Variants in ARHGEF3 observed in about 807,000 individuals in gnomAD.
The protein encoded by ARHGEF3 is Rho guanine nucleotide exchange factor 3, also known as 59.8 kDA protein.
Under a neutral mutation model 63.2 loss-of-function variants are expected in ARHGEF3, and 28 were observed. The observed-to-expected ratio is 0.44, with a 90% confidence interval of 0.33 to 0.61. The LOEUF is 0.61. ARHGEF3 is among the 20% of genes least tolerant of loss of function. ARHGEF3 has a pLI of 0.03. For missense variants in ARHGEF3, 533 were observed against 659.3 expected (o/e 0.81, Z 2.10); for synonymous variants, 266 against 254.2 (o/e 1.05, Z -0.44).
intron 7 of ARHGEF3, among the ~76,000 whole-genome samples, chr3:56,743,610 C>A (rs1578391103): frequency 6.6e-6 from 1 of 152,192 alleles, no homozygotes; most frequent in East Asian, 1.9e-4. Flanking sequence ...AGTTGATTTA[C>A]TAGATACTCA....
chr3:57,014,317 G>A (rs1202989946), intron 2 of ARHGEF3, among the ~76,000 whole-genome samples: 4 of 152,154 alleles, frequency 2.6e-5, no homozygotes, highest in South Asian at 2.1e-4. Context: ...GTGAGATCAA[G>A]AACACACCGA....
At chr3:56,923,096 C>T (rs1422542536) in intron 3 of ARHGEF3, among the ~76,000 whole-genome samples, 6 of 133,638 alleles carry the variant, frequency 4.5e-5, no homozygotes, top group African/African-American at 8.6e-5. Context: ...GGCATGGTGG[C>T]GTGTGCCTAT....
At chr3:57,015,287 C>T (rs1000795043) in intron 2 of ARHGEF3, among the ~76,000 whole-genome samples, 7 of 152,072 alleles carry the variant, frequency 4.6e-5, no homozygotes, top group African/African-American at 1.7e-4. Flanking sequence ...ACCTCTAAAC[C>T]TTCCCTCACA....
In ARHGEF3 at chr3:56,728,047, A is replaced by G. The variant is rs960883190; in HGVS notation, c.*1223T>C. 1.3e-5 allele frequency: 2 copies of G among 152,636 alleles called. No individual in the cohort carries two copies. The highest frequency in any genetic ancestry group is 6.5e-5 in the Admixed American group (1 of 15,280). 9.5% of individuals were successfully genotyped at this position (152,636 alleles called of 1,614,324 possible). On this transcript the variant is annotated 3_prime_UTR_variant, in exon 10 of 10. Coordinates refer to ENST00000296315, the MANE Select transcript of ARHGEF3 (RefSeq NM_019555.3). Reference sequence around the variant, plus strand: ...ATTTACACTTGCAGGGAGCTCTTCTAGGTACTTAGCTGTTTTTAAGGTCTG... The same window carrying G: ...ATTTACACTTGCAGGGAGCTCTTCTGGGTACTTAGCTGTTTTTAAGGTCTG...
intron 3 of ARHGEF3, among the ~76,000 whole-genome samples, chr3:56,953,341 C>G (rs1699897221): frequency 6.6e-6 from 1 of 152,188 alleles, no homozygotes; most frequent in Non-Finnish European, 1.5e-5. Context: ...CTTCTATACA[C>G]GGAGAATGGA....
intron 4 of ARHGEF3, among the ~76,000 whole-genome samples, chr3:56,859,522 C>T (rs557085344): frequency 6.6e-6 from 1 of 151,390 alleles, no homozygotes. Context: ...CTCTTGCCAC[C>T]CCCTTGGTAC....
intron 3 of ARHGEF3, among the ~76,000 whole-genome samples, chr3:56,906,393 C>G (rs2041684257): frequency 6.6e-6 from 1 of 152,162 alleles, no homozygotes; most frequent in Non-Finnish European, 1.5e-5. Flanking sequence ...CTACCGTAAG[C>G]CACATGTGGT....
intron 4 of ARHGEF3, among the ~76,000 whole-genome samples, chr3:56,877,957 C>T (rs2040645037): frequency 6.6e-6 from 1 of 152,050 alleles, no homozygotes; most frequent in African/African-American, 2.4e-5. Flanking sequence ...TATATAATGA[C>T]AGGAAGGAAA....
intron 3 of ARHGEF3, among the ~76,000 whole-genome samples, chr3:56,911,980 C>T (rs4681932): frequency 0.9 from 136,244 of 151,082 alleles, 61,680 homozygotes; most frequent in Middle Eastern, 0.96. Flanking sequence ...TATATATATA[C>T]ACACATATAT....
chr3:56,968,131 ATTT>A (rs1373729837), intron 2 of ARHGEF3, among the ~76,000 whole-genome samples: 9 of 41,330 alleles, frequency 2.2e-4, no homozygotes, highest in Non-Finnish European at 2.9e-4. Context: ...TAAAACATAT[ATTT>A]TTATATATAA....
chr3:56,898,582 T>C (rs564331523), intron 3 of ARHGEF3: 5 of 270,226 alleles, frequency 1.9e-5, no homozygotes, highest in South Asian at 1.4e-4. Flanking sequence ...CTAAAGCAGA[T>C]CCTGGAGCAA....
chr3:56,950,933 G>A (rs36054398), intron 3 of ARHGEF3, among the ~76,000 whole-genome samples: 17,623 of 151,962 alleles, frequency 0.12, 1,319 homozygotes, highest in East Asian at 0.26. Flanking sequence ...TACACACCAC[G>A]GAATACTATG....
At position 56,737,172 on chromosome 3, in the gene ARHGEF3, A is replaced by C. The variant is rs1465719287; in HGVS notation, c.1041+13T>G. On this transcript the variant is annotated intron_variant, in intron 8 of 9. Transcript: ENST00000296315. ...GAGGCGGATAAGACTGCTTAAAGGGAGTAACTACTTACCACGCCCCGATTG... is the reference window on the plus strand; with the variant it reads ...GAGGCGGATAAGACTGCTTAAAGGGCGTAACTACTTACCACGCCCCGATTG... 1 of 1,610,074 alleles carries C rather than the reference A, an allele frequency of 6.2e-7. No individual in the cohort carries two copies. Among genetic ancestry groups the C allele is most frequent in the African/African-American group, 1.3e-5 (1 of 74,796 alleles).
intron 1 of ARHGEF3, among the ~76,000 whole-genome samples, chr3:57,075,618 TG>T (rs1375739403): frequency 6.6e-6 from 1 of 152,014 alleles, no homozygotes; most frequent in East Asian, 1.9e-4. Context: ...AAGACCAGCC[TG>T]GGCAACATGG....
chr3:57,021,761 A>C (rs1407419397), intron 2 of ARHGEF3, among the ~76,000 whole-genome samples: 1 of 152,020 alleles, frequency 6.6e-6, no homozygotes, highest in Non-Finnish European at 1.5e-5. Flanking sequence ...CAAAAAAAAA[A>C]AAAAAATTTA....
At chr3:56,747,064 CAGAGAGAGAGAGAGAGAG>C in intron 6 of ARHGEF3, among the ~76,000 whole-genome samples, 1 of 148,140 alleles carries the variant, frequency 6.8e-6, no homozygotes, top group Admixed American at 6.8e-5. Context: ...CACACACACA[CAGAGAGAGAGAGAGAGAG>C]AGAGAGAGAG....
chr3:56,821,712 C>G (rs1346251609), intron 4 of ARHGEF3, among the ~76,000 whole-genome samples: 1 of 152,138 alleles, frequency 6.6e-6, no homozygotes, highest in Non-Finnish European at 1.5e-5. Flanking sequence ...ACCTGTAATC[C>G]CAGCACTTTG....
intron 4 of ARHGEF3, among the ~76,000 whole-genome samples, chr3:56,860,634 T>A (rs974473763): frequency 6.6e-6 from 1 of 152,188 alleles, no homozygotes; most frequent in Non-Finnish European, 1.5e-5. Context: ...ATTGCTGTGG[T>A]TTTTTGTCCT....
chr3:57,065,744 C>G (rs1465885496), intron 1 of ARHGEF3, among the ~76,000 whole-genome samples: 1 of 152,220 alleles, frequency 6.6e-6, no homozygotes, highest in African/African-American at 2.4e-5. Context: ...CCCACCACAG[C>G]TAGGTGGTAG....
Sources: allele counts gnomAD v4.1 joint callset (sites outside exome capture counted in the v4.1 genomes callset), GRCh38; gene constraint gnomAD v4.1.1; transcripts MANE v1.5; gene names NCBI Gene and HGNC (gene_info 2026-07-23, HGNC 2026-07-21).